The following MCTP1 variants were observed in gnomAD, a reference collection of about 807,000 sequenced individuals.
MCTP1 encodes multiple C2 and transmembrane domain-containing protein 1.
MCTP1 carries 69 observed loss-of-function variants against 120.6 expected under a neutral mutation model. The observed-to-expected ratio is 0.57, with a 90% CI of 0.47 to 0.70. MCTP1 has a LOEUF of 0.70. Ranked by LOEUF, MCTP1 falls within the 30% of genes least tolerant of loss-of-function variation. MCTP1 has a pLI of 0.00. For missense variants in MCTP1, 1,203 were observed against 1,248.8 expected, an observed-to-expected ratio of 0.96 and a Z score of 0.55; for synonymous variants, 529 against 493.1, an observed-to-expected ratio of 1.07 and a Z score of -0.96.
At chr5:95,127,560 C>T (rs954383763) in intron 1 of MCTP1, among the ~76,000 whole-genome samples, 2 of 152,068 alleles carry the variant, frequency 1.3e-5, no homozygotes, top group Non-Finnish European at 1.5e-5. Context: ...AGTACTTCAA[C>T]GTTCTAACAA....
Position 94,707,585 on chromosome 5 carries a change from A to G in MCTP1, c.2929-18T>C, listed in dbSNP as rs572549488. On this transcript the variant is annotated intron_variant, in intron 22 of 22. Transcript: ENST00000515393. ...TATTGCACCTGTTTAAACAGAGTTC[A>G]GAGGAAGACTGGTCAGGTGGCCACT... 1 of 1,600,672 alleles carries G rather than the reference A, an allele frequency of 6.2e-7. No homozygotes were observed. The highest frequency in any genetic ancestry group is 1.3e-5 in the African/African-American group (1 of 74,578).
intron 17 of MCTP1, among the ~76,000 whole-genome samples, chr5:94,843,867 G>C (rs1007710729): frequency 6.6e-6 from 1 of 152,182 alleles, no homozygotes; most frequent in Non-Finnish European, 1.5e-5. Flanking sequence ...TGATTTATTA[G>C]GTAGAGAGAA....
intron 17 of MCTP1, among the ~76,000 whole-genome samples, chr5:94,863,449 A>G (rs916996855): frequency 6.6e-6 from 1 of 151,882 alleles, no homozygotes; most frequent in African/African-American, 2.4e-5. Context: ...TTAAATTTTC[A>G]GAATAGATAT....
intron 17 of MCTP1, among the ~76,000 whole-genome samples, chr5:94,815,164 C>G (rs1784260484): frequency 6.6e-6 from 1 of 152,120 alleles, no homozygotes; most frequent in South Asian, 2.1e-4. Context: ...AACTGCTGAA[C>G]ACAGCAGGAC....
At chr5:94,869,493 C>A (rs1311208672) in intron 16 of MCTP1, among the ~76,000 whole-genome samples, 1 of 151,942 alleles carries the variant, frequency 6.6e-6, no homozygotes, top group East Asian at 1.9e-4. Context: ...ACTTTTATTA[C>A]TTTTATGTAT....
At position 94,768,283 on chromosome 5, in the gene MCTP1, A is replaced by G. The variant is rs114144496; in HGVS notation, c.2610+10827T>C. On this transcript the variant is annotated intron_variant, in intron 19 of 22. Coordinates refer to ENST00000515393, the MANE Select transcript of MCTP1 (RefSeq NM_024717.7). ...ATGGATTAAAGATTTAAATGTTAAG[A>G]TGTAAAACTATAAAACTACTAGAAG... Among the ~76,000 whole-genome samples, 1,104 of 152,318 alleles carry G rather than the reference A, an allele frequency of 7.2e-3. 11 individuals carry two copies. The highest frequency in any genetic ancestry group is 0.025 in the African/African-American group (1,057 of 41,574).
chr5:95,165,441 C>T (rs993067876), intron 1 of MCTP1, among the ~76,000 whole-genome samples: 6 of 152,120 alleles, frequency 3.9e-5, no homozygotes, highest in African/African-American at 1.4e-4. Flanking sequence ...GAATTTTTTT[C>T]ATGATACTGA....
At chr5:94,748,171 A>T (rs1328828645) in intron 19 of MCTP1, among the ~76,000 whole-genome samples, 2 of 152,218 alleles carry the variant, frequency 1.3e-5, no homozygotes, top group Admixed American at 1.3e-4. Flanking sequence ...CTGTAATTTG[A>T]TGTGGGTTTT....
At chr5:95,055,165 T>C (rs1236106200) in intron 1 of MCTP1, among the ~76,000 whole-genome samples, 3 of 152,116 alleles carry the variant, frequency 2.0e-5, no homozygotes, top group Admixed American at 1.3e-4. Flanking sequence ...CTCAGATGGG[T>C]TCTTTGCTAT....
intron 10 of MCTP1, among the ~76,000 whole-genome samples, chr5:94,898,496 C>T (rs1804678115): frequency 1.3e-5 from 2 of 152,214 alleles, no homozygotes; most frequent in Non-Finnish European, 2.9e-5. Context: ...TGGAACTCTT[C>T]CAACATAGTC....
chr5:95,173,325 T>A (rs1252247895), intron 1 of MCTP1, among the ~76,000 whole-genome samples: 2 of 152,132 alleles, frequency 1.3e-5, no homozygotes, highest in Non-Finnish European at 2.9e-5. Flanking sequence ...ATATTGGGAA[T>A]GCATATGGCA....
intron 1 of MCTP1, among the ~76,000 whole-genome samples, chr5:95,241,517 C>A (rs1756160457): frequency 6.6e-6 from 1 of 152,174 alleles, no homozygotes; most frequent in South Asian, 2.1e-4. Context: ...CACCTAGAGC[C>A]TCATCCTGCT....
At chr5:94,799,236 G>A in intron 17 of MCTP1, 104 bp from the exon 18 acceptor site, 1 of 1,002,500 alleles carries the variant, frequency 1.0e-6, no homozygotes, top group Non-Finnish European at 1.4e-6. Flanking sequence ...AAATGCTTCA[G>A]AACAGGAAGA....
At position 95,177,512 on chromosome 5, in the gene MCTP1, ACATTAAG is replaced by A. The variant is rs772478155; in HGVS notation, c.720+106337_720+106343del. Among the ~76,000 whole-genome samples the A allele has an allele frequency of 5.8e-4, 88 of 152,380 alleles. 1 individual carries two copies. Among genetic ancestry groups the A allele is most frequent in the Non-Finnish European group, 1.0e-3 (69 of 68,028 alleles). ...CACGGTTATCTGGAGCATTAAAAAA[ACATTAAG>A]CATTAAGAGTAGTATCTTAAAAGCT... On this transcript the variant is annotated intron_variant, in intron 1 of 22. Transcript: ENST00000515393.
At chr5:94,720,315 CAT>C (rs1440898390) in intron 19 of MCTP1, among the ~76,000 whole-genome samples, 7 of 151,632 alleles carry the variant, frequency 4.6e-5, no homozygotes, top group African/African-American at 1.4e-4. Context: ...AAATTTAAAA[CAT>C]GTCAAAAGTC....
intron 1 of MCTP1, among the ~76,000 whole-genome samples, chr5:95,201,495 T>G (rs1420649909): frequency 0.024 from 1,034 of 42,808 alleles, 178 homozygotes; most frequent in African/African-American, 0.076. Flanking sequence ...TTTTTTTTTT[T>G]TTTTTTTTTT....
chr5:95,010,323 C>T (rs1835673786), intron 2 of MCTP1, among the ~76,000 whole-genome samples: 1 of 152,008 alleles, frequency 6.6e-6, no homozygotes, highest in Admixed American at 6.6e-5. Context: ...ATTTCCACAC[C>T]CATAATTCCG....
At chr5:94,740,644 A>C (rs1382422265) in intron 19 of MCTP1, among the ~76,000 whole-genome samples, 1 of 152,214 alleles carries the variant, frequency 6.6e-6, no homozygotes, top group African/African-American at 2.4e-5. Flanking sequence ...ATTTGTATGC[A>C]AAGTACGTAG....
At chr5:95,018,507 T>C (rs1225809251) in intron 1 of MCTP1, among the ~76,000 whole-genome samples, 1 of 151,052 alleles carries the variant, frequency 6.6e-6, no homozygotes, top group African/African-American at 2.4e-5. Context: ...AGCAGCATTT[T>C]TTTTTTTTGA....
Sources: allele counts gnomAD v4.1 joint callset (sites outside exome capture counted in the v4.1 genomes callset), GRCh38; gene constraint gnomAD v4.1.1; transcripts MANE v1.5; gene names NCBI Gene and HGNC (gene_info 2026-07-23, HGNC 2026-07-21).